MDGA2: variants seen among roughly 807,000 people sequenced by gnomAD.
The protein encoded by MDGA2 is MAM domain containing glycosylphosphatidylinositol anchor 2.
Under a neutral mutation model 117.8 loss-of-function variants are expected in MDGA2, and 40 were observed. That is an observed-to-expected ratio of 0.34 (90% CI 0.26 to 0.44). The LOEUF is 0.44. Ranked by LOEUF, MDGA2 falls within the 20% of genes least tolerant of loss-of-function variation. The pLI, the probability that MDGA2 is intolerant of heterozygous loss-of-function variation, is 1.00. For synonymous variants in MDGA2, 452 were observed against 439.0 expected (o/e 1.03, Z -0.37); for missense variants, 1,123 against 1,250.6 (o/e 0.90, Z 1.54).
intron 1 of MDGA2, among the ~76,000 whole-genome samples, chr14:47,439,857 G>C (rs1892970270): frequency 6.6e-6 from 1 of 151,776 alleles, no homozygotes; most frequent in Non-Finnish European, 1.5e-5. Flanking sequence ...GTATGCATAT[G>C]AGGGCTAGAA....
intron 1 of MDGA2, among the ~76,000 whole-genome samples, chr14:47,418,972 A>G (rs1316137770): frequency 6.6e-6 from 1 of 152,196 alleles, no homozygotes; most frequent in Non-Finnish European, 1.5e-5. Flanking sequence ...GAGATTGTAG[A>G]TTAGAAAAGG....
chr14:47,520,149 C>G (rs1894839100), intron 1 of MDGA2, among the ~76,000 whole-genome samples: 1 of 152,176 alleles, frequency 6.6e-6, no homozygotes, highest in Non-Finnish European at 1.5e-5. Context: ...AGCATCACAT[C>G]ATCAAATCAC....
chr14:47,507,241 G>A (rs939414704), intron 1 of MDGA2, among the ~76,000 whole-genome samples: 8 of 152,132 alleles, frequency 5.3e-5, no homozygotes, highest in African/African-American at 1.9e-4. Flanking sequence ...GAACCTAGGA[G>A]ATAATGGAGA....
intron 1 of MDGA2, among the ~76,000 whole-genome samples, chr14:47,540,563 T>TATATATATATACATATACACACAC (rs370481455): frequency 8.9e-6 from 1 of 112,522 alleles, no homozygotes; most frequent in African/African-American, 2.9e-5. Flanking sequence ...TGTATATATA[T>TATATATATATACATATACACACAC]ACACACACAC....
At chr14:47,060,345 A>G (rs1322524785) in intron 7 of MDGA2, among the ~76,000 whole-genome samples, 4 of 152,096 alleles carry the variant, frequency 2.6e-5, no homozygotes, top group Non-Finnish European at 5.9e-5. Flanking sequence ...GAAGGCACAA[A>G]ATTATAGGTG....
At chr14:47,206,518 G>T (rs779394189) in intron 3 of MDGA2, among the ~76,000 whole-genome samples, 2 of 151,906 alleles carry the variant, frequency 1.3e-5, no homozygotes, top group African/African-American at 2.4e-5. Context: ...TTGAGCCCAG[G>T]AGTTAAAGGT....
rs896470537 is a variant in MDGA2, at chr14:47,642,043, AG to A, written c.280+32473del. Among the ~76,000 whole-genome samples, 70 of 152,104 alleles carry A rather than the reference AG, an allele frequency of 4.6e-4. 2 individuals are homozygous for A. The highest frequency in any genetic ancestry group is 1.5e-5 in the Non-Finnish European group (1 of 67,942). On this transcript the variant is annotated intron_variant, in intron 1 of 16. Coordinates refer to ENST00000399232, the MANE Select transcript of MDGA2 (RefSeq NM_001113498.3). ...TTACCTCATTCCAAATGTGTAACGT[AG>A]GAAAAATTGTAAAGTGGGGTAAAAT...
chr14:47,269,080 G>A (rs1888060196), intron 2 of MDGA2, among the ~76,000 whole-genome samples: 1 of 152,116 alleles, frequency 6.6e-6, no homozygotes, highest in African/African-American at 2.4e-5. Flanking sequence ...TCCAATGGTA[G>A]GACTTGGCAT....
intron 2 of MDGA2, among the ~76,000 whole-genome samples, chr14:47,266,969 G>C (rs1186615557): frequency 6.6e-6 from 1 of 152,116 alleles, no homozygotes; most frequent in Non-Finnish European, 1.5e-5. Flanking sequence ...CAGAAACTAT[G>C]TCTGTCTTAT....
intron 6 of MDGA2, among the ~76,000 whole-genome samples, chr14:47,096,163 A>G (rs1423228185): frequency 1.3e-5 from 2 of 152,142 alleles, no homozygotes; most frequent in Admixed American, 1.3e-4. Context: ...AGTTCCTCAA[A>G]TAAGCATTGC....
chr14:47,436,951 C>T (rs543857655), intron 1 of MDGA2, among the ~76,000 whole-genome samples: 1 of 152,228 alleles, frequency 6.6e-6, no homozygotes, highest in East Asian at 1.9e-4. Context: ...GTTGTATGCA[C>T]GTATACCTAC....
At chr14:46,861,276 G>A (rs1187109792) in intron 14 of MDGA2, among the ~76,000 whole-genome samples, 1 of 151,796 alleles carries the variant, frequency 6.6e-6, no homozygotes, top group African/African-American at 2.4e-5. Context: ...ATAAATACAT[G>A]ATTTAGTAAA....
At chr14:47,316,620 A>G (rs758440360) in intron 1 of MDGA2, among the ~76,000 whole-genome samples, 2 of 152,124 alleles carry the variant, frequency 1.3e-5, no homozygotes, top group Non-Finnish European at 2.9e-5. Context: ...TAGCAGGCTT[A>G]TCAAGAGAGA....
At chr14:47,402,158 C>T (rs1448538687) in intron 1 of MDGA2, among the ~76,000 whole-genome samples, 2 of 152,060 alleles carry the variant, frequency 1.3e-5, no homozygotes, top group African/African-American at 4.8e-5. Flanking sequence ...GTAGTATTAG[C>T]ACATCTTTAA....
intron 3 of MDGA2, among the ~76,000 whole-genome samples, chr14:47,162,701 T>C (rs938353162): frequency 8.5e-5 from 13 of 152,246 alleles, no homozygotes; most frequent in African/African-American, 3.1e-4. Context: ...ATTATTTCCA[T>C]AGGCTATATC....
intron 7 of MDGA2, among the ~76,000 whole-genome samples, chr14:47,038,699 C>T (rs77973469): frequency 0.023 from 3,501 of 151,760 alleles, 45 homozygotes; most frequent in Non-Finnish European, 0.036. Flanking sequence ...GTACTTTGGG[C>T]GGCCGAGGAG....
At position 47,590,796 on chromosome 14, in the gene MDGA2, T is replaced by C. The variant is rs551563178; in HGVS notation, c.280+83721A>G. Among the ~76,000 whole-genome samples the C allele has an allele frequency of 2.0e-4, 30 of 151,980 alleles. 1 individual carries two copies. The South Asian group carries it at 2.9e-3, about 15-fold the overall frequency. ...CAAGCCTACTATGTAACCACAAAAA[T>C]TTTTCTGAATAGAATAAAATAAAGA... On this transcript the variant is annotated intron_variant, in intron 1 of 16. Coordinates refer to ENST00000399232, the MANE Select transcript of MDGA2 (RefSeq NM_001113498.3).
At chr14:47,012,500 G>A (rs1285963516) in intron 8 of MDGA2, among the ~76,000 whole-genome samples, 1 of 152,014 alleles carries the variant, frequency 6.6e-6, no homozygotes, top group Non-Finnish European at 1.5e-5. Context: ...TTAGTTCCTA[G>A]GTTAGGAAAG....
At chr14:47,556,944 TA>T (rs879435066) in intron 1 of MDGA2, among the ~76,000 whole-genome samples, 11 of 152,094 alleles carry the variant, frequency 7.2e-5, no homozygotes, top group Non-Finnish European at 1.2e-4. Context: ...AGTTTGCTAA[TA>T]AAGAAAAGAC....
Sources: allele counts gnomAD v4.1 joint callset (sites outside exome capture counted in the v4.1 genomes callset), GRCh38; gene constraint gnomAD v4.1.1; transcripts MANE v1.5; gene names NCBI Gene and HGNC (gene_info 2026-07-23, HGNC 2026-07-21).